NUBPL: variants seen among roughly 807,000 people sequenced by gnomAD.
NUBPL encodes NUBP iron-sulfur cluster assembly factor, mitochondrial.
In NUBPL, 31 loss-of-function variants were observed where a neutral mutation model predicts 45.7. The observed-to-expected ratio is 0.68, with a 90% CI of 0.51 to 0.92. NUBPL has a LOEUF of 0.92. Ranked by LOEUF, NUBPL falls within the 40% of genes least tolerant of loss-of-function variation. The pLI is 0.00. For synonymous variants in NUBPL, 144 were observed against 140.9 expected, an observed-to-expected ratio of 1.02 and a Z score of -0.15; for missense variants, 401 against 398.7, an observed-to-expected ratio of 1.01 and a Z score of -0.05.
At chr14:31,678,094 C>G (rs1008832678) in intron 6 of NUBPL, among the ~76,000 whole-genome samples, 3 of 152,182 alleles carry the variant, frequency 2.0e-5, no homozygotes, top group African/African-American at 7.2e-5. Flanking sequence ...CACTACAGAC[C>G]CACAGGGCAT....
chr14:31,672,142 C>T (rs1206004890), intron 4 of NUBPL, among the ~76,000 whole-genome samples: 12 of 152,068 alleles, frequency 7.9e-5, no homozygotes. Context: ...CTTTTCTCTA[C>T]AGATTAATGC....
chr14:31,587,989 G>A (rs1215688180), intron 3 of NUBPL, among the ~76,000 whole-genome samples: 2 of 152,032 alleles, frequency 1.3e-5, no homozygotes, highest in Admixed American at 6.6e-5. Context: ...TCCTGCTTCC[G>A]TGCATAAAGA....
intron 4 of NUBPL, among the ~76,000 whole-genome samples, chr14:31,602,492 A>G (rs1227547657): frequency 6.6e-6 from 1 of 152,034 alleles, no homozygotes; most frequent in Non-Finnish European, 1.5e-5. Context: ...CACGTAGAGC[A>G]CCGAATTTTA....
intron 4 of NUBPL, among the ~76,000 whole-genome samples, chr14:31,653,204 G>T (rs1018113714): frequency 4.6e-5 from 7 of 152,172 alleles, no homozygotes; most frequent in East Asian, 1.9e-4. Context: ...AGCTGTGCAC[G>T]TATTGTCTTG....
At position 31,799,044 on chromosome 14, in the gene NUBPL, A is replaced by T. The variant is rs113297894; in HGVS notation, c.607+11171A>T. On this transcript the variant is annotated intron_variant, in intron 7 of 10. Coordinates refer to ENST00000281081, the MANE Select transcript of NUBPL (RefSeq NM_025152.3). ...GGGCAGTTAGTAGAGAAATGTTGTG[A>T]ATTAGAAAGAGCCTTTCTATCAATT... Among the ~76,000 whole-genome samples the T allele has an allele frequency of 3.9e-4, 60 of 152,206 alleles. 1 individual carries two copies. Among genetic ancestry groups the T allele is most frequent in the African/African-American group, 1.3e-3 (53 of 41,546 alleles).
At chr14:31,570,535 AGAAACCT>A (rs2033554147) in intron 3 of NUBPL, among the ~76,000 whole-genome samples, 1 of 152,222 alleles carries the variant, frequency 6.6e-6, no homozygotes, top group Non-Finnish European at 1.5e-5. Context: ...TGATTCTCAC[AGAAACCT>A]GTAATGCAAT....
chr14:31,638,401 A>G (rs895358524), intron 4 of NUBPL, among the ~76,000 whole-genome samples: 1 of 151,680 alleles, frequency 6.6e-6, no homozygotes, highest in Admixed American at 6.6e-5. Context: ...TTCTTTAAGA[A>G]TGTTGAATAT....
chr14:31,816,447 TC>T, intron 7 of NUBPL, among the ~76,000 whole-genome samples: 1 of 65,174 alleles, frequency 1.5e-5, no homozygotes, highest in Non-Finnish European at 4.2e-5. Flanking sequence ...CTGGTTAGAG[TC>T]TATCTATTTT....
At chr14:31,624,942 T>C (rs1053712382) in intron 4 of NUBPL, among the ~76,000 whole-genome samples, 1 of 152,188 alleles carries the variant, frequency 6.6e-6, no homozygotes, top group African/African-American at 2.4e-5. Flanking sequence ...ATGCTGCTAA[T>C]ATCCTCCAAT....
chr14:31,816,277 A>C (rs2039914134), intron 7 of NUBPL, among the ~76,000 whole-genome samples: 1 of 152,128 alleles, frequency 6.6e-6, no homozygotes, highest in African/African-American at 2.4e-5. Context: ...ATGTGTCCTG[A>C]AATTTATCCA....
At chr14:31,695,229 T>C (rs2037188364) in intron 6 of NUBPL, among the ~76,000 whole-genome samples, 1 of 152,206 alleles carries the variant, frequency 6.6e-6, no homozygotes. Flanking sequence ...TTGCTGGTTA[T>C]TTCCTTCTAC....
intron 4 of NUBPL, among the ~76,000 whole-genome samples, chr14:31,660,496 A>G (rs954728738): frequency 2.0e-5 from 3 of 152,196 alleles, no homozygotes; most frequent in African/African-American, 7.2e-5. Context: ...TCCTTTCTGA[A>G]CATTCTTGTA....
chr14:31,618,832 T>A (rs117145808), intron 4 of NUBPL, among the ~76,000 whole-genome samples: 3,511 of 152,256 alleles, frequency 0.023, 61 homozygotes, highest in Non-Finnish European at 0.031. Flanking sequence ...GTTCAAGTCC[T>A]GGAAATCCTT....
intron 4 of NUBPL, among the ~76,000 whole-genome samples, chr14:31,620,721 C>T (rs900205416): frequency 1.3e-5 from 2 of 152,168 alleles, no homozygotes; most frequent in Non-Finnish European, 2.9e-5. Context: ...TCTGTTGGCC[C>T]CTACTGGGAG....
chr14:31,707,806 C>A (rs966256030), intron 6 of NUBPL, among the ~76,000 whole-genome samples: 1 of 152,196 alleles, frequency 6.6e-6, no homozygotes, highest in Non-Finnish European at 1.5e-5. Flanking sequence ...CACGAGGCTT[C>A]TGAACTGGTA....
intron 4 of NUBPL, among the ~76,000 whole-genome samples, chr14:31,666,263 A>ATATATATATATTTTTATT: frequency 8.9e-6 from 1 of 111,888 alleles, no homozygotes; most frequent in Non-Finnish European, 1.9e-5. Flanking sequence ...ATATATATAT[A>ATATATATATATTTTTATT]ATTTTATTTT....
At chr14:31,844,759 C>T (rs200859414) in intron 8 of NUBPL, 2 of 152,280 alleles carry the variant, frequency 1.3e-5, no homozygotes, top group East Asian at 3.9e-4. Context: ...AGAACTGATA[C>T]AGACATTGTA....
chr14:31,804,597 A>G (rs907784080), intron 7 of NUBPL, among the ~76,000 whole-genome samples: 1 of 152,182 alleles, frequency 6.6e-6, no homozygotes, highest in African/African-American at 2.4e-5. Flanking sequence ...ACATAGACCA[A>G]TGGAACATAA....
intron 4 of NUBPL, among the ~76,000 whole-genome samples, chr14:31,658,615 T>C (rs905776112): frequency 1.3e-5 from 2 of 151,852 alleles, no homozygotes; most frequent in Non-Finnish European, 2.9e-5. Context: ...TGGGTTCAAG[T>C]GATTCTCCCA....
Sources: gnomAD v4.1 joint callset for allele counts (sites outside exome capture counted in the v4.1 genomes callset) on GRCh38, gnomAD v4.1.1 for gene constraint, MANE v1.5 for transcripts, NCBI Gene and HGNC (gene_info 2026-07-23, HGNC 2026-07-21) for gene names.